The following STAG1 variants were observed in gnomAD, a reference collection of about 807,000 sequenced individuals.
The protein encoded by STAG1 is cohesin subunit SA-1.
STAG1 carries 26 observed loss-of-function variants against 170.9 expected under a neutral mutation model. The observed-to-expected ratio is 0.15, with a 90% CI of 0.11 to 0.21. The LOEUF is 0.21. STAG1 is among the 10% of genes least tolerant of loss of function. STAG1 has a pLI of 1.00. For synonymous variants in STAG1, 514 were observed against 497.7 expected, an observed-to-expected ratio of 1.03 and a Z score of -0.44; for missense variants, 964 against 1,509.5, an observed-to-expected ratio of 0.64 and a Z score of 5.99.
chr3:136,727,743 G>A (rs1933768504), intron 1 of STAG1, among the ~76,000 whole-genome samples: 1 of 152,064 alleles, frequency 6.6e-6, no homozygotes, highest in Admixed American at 6.6e-5. Flanking sequence ...AATGACCTGA[G>A]AATTACATTT....
intron 1 of STAG1, among the ~76,000 whole-genome samples, chr3:136,637,948 C>T (rs540456226): frequency 4.6e-4 from 70 of 151,820 alleles, no homozygotes; most frequent in African/African-American, 1.6e-3. Flanking sequence ...TTCATAGCTC[C>T]CTGCAGCCTC....
intron 9 of STAG1, 77 bp downstream of exon 9, chr3:136,500,146 C>T (rs946257341): frequency 4.3e-6 from 4 of 926,960 alleles, no homozygotes; most frequent in Non-Finnish European, 6.7e-6. Context: ...GTGAGTTTTA[C>T]AGTTAGCCTG....
intron 4 of STAG1, among the ~76,000 whole-genome samples, chr3:136,579,756 T>C (rs1937550829): frequency 6.6e-6 from 1 of 152,174 alleles, no homozygotes; most frequent in African/African-American, 2.4e-5. Flanking sequence ...ACTTTGCATA[T>C]GTTTTACTAA....
chr3:136,486,572 A>C (rs550430439), intron 9 of STAG1, among the ~76,000 whole-genome samples: 9 of 152,336 alleles, frequency 5.9e-5, no homozygotes, highest in Admixed American at 3.9e-4. Context: ...ACCCTTGTAA[A>C]AGTCAATTCT....
intron 22 of STAG1, among the ~76,000 whole-genome samples, chr3:136,394,583 C>T (rs919562124): frequency 2.6e-5 from 4 of 151,630 alleles, no homozygotes; most frequent in African/African-American, 9.7e-5. Context: ...TGAGACTAGC[C>T]TGGGTAATAT....
chr3:136,439,816 A>T (rs2107757068), intron 15 of STAG1, among the ~76,000 whole-genome samples: 1 of 152,318 alleles, frequency 6.6e-6, no homozygotes, highest in East Asian at 1.9e-4. Flanking sequence ...CTGCCTACCT[A>T]GATTCGATCA....
chr3:136,394,551 G>A (rs553522141), intron 22 of STAG1, among the ~76,000 whole-genome samples: 1 of 152,022 alleles, frequency 6.6e-6, no homozygotes, highest in Admixed American at 6.6e-5. Flanking sequence ...TGAGGCGGGT[G>A]GACTGCTTGA....
intron 28 of STAG1, among the ~76,000 whole-genome samples, chr3:136,354,256 T>G (rs1424506770): frequency 6.6e-6 from 1 of 152,192 alleles, no homozygotes; most frequent in Admixed American, 6.5e-5. Flanking sequence ...GAATTAAAGT[T>G]TCTGTATTTC....
chr3:136,375,141 T>C (rs1392103192), intron 23 of STAG1, among the ~76,000 whole-genome samples: 1 of 152,174 alleles, frequency 6.6e-6, no homozygotes, highest in African/African-American at 2.4e-5. Flanking sequence ...TAACAACACA[T>C]TTCTCACAAT....
chr3:136,641,332 C>T (rs180801412), intron 1 of STAG1, among the ~76,000 whole-genome samples: 1 of 151,960 alleles, frequency 6.6e-6, no homozygotes, highest in African/African-American at 2.4e-5. Flanking sequence ...AAAGAACTTA[C>T]ACAGAATATC....
At chr3:136,658,781 A>C (rs1343864090) in intron 1 of STAG1, among the ~76,000 whole-genome samples, 1 of 152,190 alleles carries the variant, frequency 6.6e-6, no homozygotes, top group Non-Finnish European at 1.5e-5. Flanking sequence ...GAGACTGATG[A>C]AAATTCTGTC....
rs11364802 is a variant in STAG1, at chr3:136,465,558, C to CAAAAAAA, written c.1206-577_1206-571dup. Among the ~76,000 whole-genome samples, 29 of 48,224 alleles carry CAAAAAAA rather than the reference C, an allele frequency of 6.0e-4. 1 individual carries two copies. The highest frequency in any genetic ancestry group is 7.8e-4 in the African/African-American group (8 of 10,244). 31.6% of individuals were successfully genotyped at this position (48,224 alleles called of 152,430 possible). ...GTGGGACAGAGCAAGACTCTTGCCT[C>CAAAAAAA]AAAAAAAAAAAAAAAAAAAAAAAAA... On this transcript the variant is annotated intron_variant, in intron 12 of 33. Coordinates refer to ENST00000383202, the MANE Select transcript of STAG1 (RefSeq NM_005862.3).
chr3:136,456,035 G>T (rs1000313467), intron 13 of STAG1, among the ~76,000 whole-genome samples: 11 of 152,132 alleles, frequency 7.2e-5, no homozygotes, highest in Non-Finnish European at 1.6e-4. Flanking sequence ...AAGAAGTAAA[G>T]GTCTAACACT....
chr3:136,583,748 C>G (rs1937664696), intron 4 of STAG1, among the ~76,000 whole-genome samples: 1 of 152,138 alleles, frequency 6.6e-6, no homozygotes. Context: ...AAGATCGTGC[C>G]ATGGCACTCC....
At chr3:136,500,419 T>C (rs1933402433) in intron 8 of STAG1, 123 bp from the exon 9 acceptor site, 2 of 632,860 alleles carry the variant, frequency 3.2e-6, no homozygotes, top group Non-Finnish European at 5.5e-6. Context: ...TTCTCACTTG[T>C]AGTACAGATG....
intron 1 of STAG1, among the ~76,000 whole-genome samples, chr3:136,719,852 G>A (rs943455457): frequency 1.3e-5 from 2 of 152,108 alleles, no homozygotes; most frequent in Admixed American, 1.3e-4. Flanking sequence ...AACTTTGTAA[G>A]GATAAATCCA....
intron 1 of STAG1, among the ~76,000 whole-genome samples, chr3:136,634,137 T>A (rs1286743615): frequency 6.7e-6 from 1 of 150,216 alleles, no homozygotes; most frequent in African/African-American, 2.4e-5. Flanking sequence ...TGAGACCTTG[T>A]TTCAAAAAAT....
At chr3:136,388,367 TTTTG>T (rs1038126082) in intron 22 of STAG1, among the ~76,000 whole-genome samples, 6 of 152,028 alleles carry the variant, frequency 3.9e-5, no homozygotes, top group Admixed American at 2.0e-4. Flanking sequence ...GGAGCTGCTT[TTTTG>T]TTTGTTTGTT....
intron 12 of STAG1, 54 bp from the exon 13 acceptor site, chr3:136,465,042 C>T (rs1445795551): frequency 4.4e-6 from 6 of 1,357,874 alleles, no homozygotes; most frequent in Non-Finnish European, 6.1e-6. Context: ...ATTTTCCTTT[C>T]TACTTTTATT....
Sources: allele counts gnomAD v4.1 joint callset (sites outside exome capture counted in the v4.1 genomes callset), GRCh38; gene constraint gnomAD v4.1.1; transcripts MANE v1.5; gene names NCBI Gene and HGNC (gene_info 2026-07-23, HGNC 2026-07-21).